The following CADM2 variants were observed in gnomAD, a reference collection of about 807,000 sequenced individuals.
CADM2 encodes cell adhesion molecule 2.
CADM2 carries 12 observed loss-of-function variants against 49.8 expected under a neutral mutation model. The observed-to-expected ratio is 0.24, with a 90% CI of 0.15 to 0.39. The LOEUF (loss-of-function observed/expected upper bound fraction) is 0.39. Ranked by LOEUF, CADM2 falls within the 10% of genes least tolerant of loss-of-function variation. The pLI, the probability that CADM2 is intolerant of heterozygous loss-of-function variation, is 1.00. For synonymous variants in CADM2, 214 were observed against 175.4 expected, an observed-to-expected ratio of 1.22 and a Z score of -1.74; for missense variants, 378 against 492.3, an observed-to-expected ratio of 0.77 and a Z score of 2.20.
chr3:85,849,542 G>C (rs187194167), intron 3 of CADM2, among the ~76,000 whole-genome samples: 1 of 151,998 alleles, frequency 6.6e-6, no homozygotes, highest in East Asian at 1.9e-4. Flanking sequence ...ATTTAACATC[G>C]TGAATGTAAC....
intron 1 of CADM2, among the ~76,000 whole-genome samples, chr3:85,043,550 G>A (rs552562235): frequency 6.6e-6 from 1 of 151,946 alleles, no homozygotes; most frequent in Admixed American, 6.6e-5. Flanking sequence ...GAAAACTAGG[G>A]ATGGTATACT....
At chr3:85,462,912 C>T (rs1344835622) in intron 1 of CADM2, among the ~76,000 whole-genome samples, 2 of 152,052 alleles carry the variant, frequency 1.3e-5, no homozygotes, top group Non-Finnish European at 2.9e-5. Flanking sequence ...AGTTGTAGTT[C>T]AGTGGATATT....
chr3:86,011,603 G>GA (rs950268553), intron 8 of CADM2, among the ~76,000 whole-genome samples: 4 of 152,070 alleles, frequency 2.6e-5, no homozygotes, highest in South Asian at 4.1e-4. Flanking sequence ...GGAAGAGTCA[G>GA]AAAAAGGAAG....
intron 5 of CADM2, among the ~76,000 whole-genome samples, chr3:85,905,640 G>C (rs1716697490): frequency 4.0e-5 from 6 of 151,732 alleles, no homozygotes; most frequent in Admixed American, 3.9e-4. Flanking sequence ...AGAAGGGAGA[G>C]AAAGAATGAA....
chr3:85,018,599 C>G (rs2034352732), intron 1 of CADM2, among the ~76,000 whole-genome samples: 1 of 152,084 alleles, frequency 6.6e-6, no homozygotes, highest in South Asian at 2.1e-4. Context: ...AGGTGATCCA[C>G]CTGCCTCGGC....
chr3:84,995,989 G>A (rs1575996589), intron 1 of CADM2, among the ~76,000 whole-genome samples: 1 of 152,240 alleles, frequency 6.6e-6, no homozygotes, highest in African/African-American at 2.4e-5. Flanking sequence ...AGTGACAGGA[G>A]AGACTATAAC....
chr3:86,038,179 AAAC>A (rs530669985), intron 8 of CADM2, among the ~76,000 whole-genome samples: 2 of 152,218 alleles, frequency 1.3e-5, no homozygotes, highest in Admixed American at 6.5e-5. Context: ...GTTTTAGAAA[AAAC>A]AACAACAAAA....
In CADM2 at chr3:85,180,514, GAAA is replaced by G. The variant is rs58932967; in HGVS notation, c.61+220867_61+220869del. ...AAAGAGTGAGACCCTGTCTCAAAAA[GAAA>G]AAAAAAAAAAAAAAAAAAAAGAGAA... On this transcript the variant is annotated intron_variant, in intron 1 of 9. Coordinates refer to ENST00000383699, the MANE Select transcript of CADM2 (RefSeq NM_001167675.2). 9.8e-3 allele frequency among the ~76,000 whole-genome samples: 759 copies of G among 77,298 alleles called. 4 individuals carry two copies. The highest frequency in any genetic ancestry group is 0.017 in the Non-Finnish European group (605 of 35,440). The allele number at this position is 77,298 out of a possible 152,430, so 50.7% of individuals were successfully genotyped here.
Position 85,559,889 on chromosome 3 carries a change from A to G in CADM2, c.62-166633A>G, listed in dbSNP as rs528993218. ...AAATTTAAGGAAAGAAGCCATTATC[A>G]GATTAGAGTTTCATATCTCAGAGAA... On this transcript the variant is annotated intron_variant, in intron 1 of 9. Transcript: ENST00000383699. Among the ~76,000 whole-genome samples the G allele has an allele frequency of 6.0e-4, 91 of 152,270 alleles. 2 individuals are homozygous for G. In the South Asian group the frequency reaches 0.014, roughly 23 times the overall value.
At chr3:85,356,255 G>C (rs970825809) in intron 1 of CADM2, among the ~76,000 whole-genome samples, 4 of 151,972 alleles carry the variant, frequency 2.6e-5, no homozygotes, top group African/African-American at 7.2e-5. Context: ...TGTATGACTA[G>C]TTGCATTCTA....
At chr3:85,937,356 T>C (rs878856655) in intron 7 of CADM2, among the ~76,000 whole-genome samples, 8 of 152,012 alleles carry the variant, frequency 5.3e-5, no homozygotes, top group Admixed American at 5.3e-4. Context: ...TGCAAAATAT[T>C]ACCTTTCTCA....
chr3:85,174,992 A>G (rs149022476), intron 1 of CADM2, among the ~76,000 whole-genome samples: 1 of 152,200 alleles, frequency 6.6e-6, no homozygotes. Flanking sequence ...TTTGAAGAAG[A>G]TATACAAATG....
chr3:85,449,278 T>C (rs2107563619), intron 1 of CADM2, among the ~76,000 whole-genome samples: 1 of 151,910 alleles, frequency 6.6e-6, no homozygotes, highest in Non-Finnish European at 1.5e-5. Context: ...AATTGGTCTA[T>C]GGGGTCTAGA....
chr3:85,400,779 C>T (rs1327559291), intron 1 of CADM2, among the ~76,000 whole-genome samples: 6 of 152,130 alleles, frequency 3.9e-5, no homozygotes, highest in Middle Eastern at 3.4e-3. Context: ...AGGGACAAGA[C>T]GCAGGCGGAG....
intron 3 of CADM2, among the ~76,000 whole-genome samples, chr3:85,812,490 T>A (rs1314895696): frequency 6.6e-6 from 1 of 152,138 alleles, no homozygotes; most frequent in Non-Finnish European, 1.5e-5. Flanking sequence ...TTAATCAGGA[T>A]CAGCACAGGC....
chr3:85,276,984 A>T (rs567982761), intron 1 of CADM2, among the ~76,000 whole-genome samples: 1 of 151,474 alleles, frequency 6.6e-6, no homozygotes, highest in Admixed American at 6.6e-5. Flanking sequence ...TTAATATGGT[A>T]TTTATATGTT....
rs994675084 is a variant in CADM2, at chr3:85,230,953, G to T, written c.61+271285G>T. Among the ~76,000 whole-genome samples the T allele has an allele frequency of 4.0e-5, 6 of 151,826 alleles. No homozygotes were observed. The East Asian group carries it at 7.8e-4, about 20-fold the overall frequency. ...GACATTTATTTTCTCACAGTTTTGG[G>T]TGCTGGAAGTTGAAAATCGAAGTGT... On this transcript the variant is annotated intron_variant, in intron 1 of 9. Transcript: ENST00000383699.
At chr3:85,614,630 T>C (rs2063754128) in intron 1 of CADM2, among the ~76,000 whole-genome samples, 1 of 151,894 alleles carries the variant, frequency 6.6e-6, no homozygotes, top group Non-Finnish European at 1.5e-5. Context: ...TGGCTACTAA[T>C]GCCAACAATT....
chr3:85,400,379 A>G (rs752390449), intron 1 of CADM2, among the ~76,000 whole-genome samples: 10 of 152,148 alleles, frequency 6.6e-5, no homozygotes, highest in African/African-American at 2.4e-4. Flanking sequence ...TTTTGCATCA[A>G]TGTTCATCAG....
Sources: allele counts gnomAD v4.1 joint callset (sites outside exome capture counted in the v4.1 genomes callset), GRCh38; gene constraint gnomAD v4.1.1; transcripts MANE v1.5; gene names NCBI Gene and HGNC (gene_info 2026-07-23, HGNC 2026-07-21).